Variants in ANKRD9 observed in about 807,000 individuals in gnomAD.
ANKRD9 encodes ankyrin repeat domain-containing protein 9.
ANKRD9 carries 13 observed loss-of-function variants against 19.2 expected under a neutral mutation model. The ratio of observed to expected loss-of-function variants is 0.68; its 90% confidence interval spans 0.44 to 1.08. The LOEUF (loss-of-function observed/expected upper bound fraction) is 1.08, where lower values mean the gene tolerates loss of function less well. ANKRD9 is among the 50% of genes least tolerant of loss of function. The pLI, the probability that ANKRD9 is intolerant of heterozygous loss-of-function variation, is 0.00. For missense variants in ANKRD9, 518 were observed against 499.9 expected (o/e 1.04, Z -0.34); for synonymous variants, 278 against 256.8 (o/e 1.08, Z -0.79).
rs1244775514 is a variant in ANKRD9 at position 102,507,771 on chromosome 14, G to A, written c.119C>T (p.Ala40Val). 6.7e-7 allele frequency: 1 copy of A among 1,486,456 alleles called. No homozygotes were observed. Among genetic ancestry groups the A allele is most frequent in the Non-Finnish European group, 8.9e-7 (1 of 1,118,386 alleles). 92.1% of individuals were successfully genotyped at this position (1,486,456 alleles called of 1,614,324 possible). ...CRKSSFAFYQ[A>V]VRDLLPVWLL... is the part of the protein sequence containing the mutation. ...CCACACGGGTAGCAGGTCGCGCACC[G>A]CCTGGTAGAAGGCGAACGACGACTT... Residue 40 changes from alanine (A) to valine (V), a missense_variant, in exon 4 of 4, where the codon GCG (alanine) becomes GTG (valine). Physicochemically the swap from Ala to Val is moderately conservative, Grantham distance 64. Transcript: ENST00000286918. The surrounding 1 kb of genome is among the most constrained non-coding windows in gnomAD (Gnocchi z 9.2).
rs1011325594 is a variant in ANKRD9 at position 102,504,621 on chromosome 14, G to A, written c.*2315C>T. 2 of 152,386 alleles carry A rather than the reference G, an allele frequency of 1.3e-5. No individual in the cohort carries two copies. The highest frequency in any genetic ancestry group is 4.8e-5 in the African/African-American group (2 of 41,448). The allele number at this position is 152,386 out of a possible 1,614,324, so 9.4% of individuals were successfully genotyped here. A position where few individuals can be genotyped will look rare whatever the true frequency, so the allele number is the denominator to read the frequency against. ...TCCCACCAGTACAGGGGTCTGGGAG[G>A]GGGTTGCAGGGGGTCCTGAACCACA... On this transcript the variant is annotated 3_prime_UTR_variant, in exon 4 of 4. Coordinates refer to ENST00000286918, the MANE Select transcript of ANKRD9 (RefSeq NM_152326.4).
In ANKRD9 at chr14:102,506,109, C is replaced by G. The variant is rs1041732762; in HGVS notation, c.*827G>C. ...CCTGTCCCTACAGTGATACAACCAC[C>G]CCTCAATAACCCCGGGCACCACCTG... On this transcript the variant is annotated 3_prime_UTR_variant, in exon 4 of 4. Transcript: ENST00000286918. 2 of 152,362 alleles carry G rather than the reference C, an allele frequency of 1.3e-5. No individual in the cohort carries two copies. Among genetic ancestry groups the G allele is most frequent in the African/African-American group, 4.8e-5 (2 of 41,560 alleles). The allele number at this position is 152,362 out of a possible 1,614,324, so 9.4% of individuals were successfully genotyped here.
Position 102,507,616 on chromosome 14 carries a change from G to C in ANKRD9, c.274C>G (p.Leu92Val). The change falls in exon 4 of 4, where the codon CTG becomes GTG. Residue 92 changes from leucine to valine, a missense_variant. Coordinates refer to ENST00000286918, the MANE Select transcript of ANKRD9 (RefSeq NM_152326.4). The surrounding 1 kb of genome is among the most constrained non-coding windows in gnomAD (Gnocchi z 9.2). The stretch of plus-strand genomic sequence containing the variant: ...AGCGCGCGCCGCGGGAACGTGGCCA[G>C]CAGGTAATGCGCGTACGCTTGGTGG... ...HDHQAYAHYL[L>V]ATFPRRALAP... 6.7e-7 allele frequency: 1 copy of C among 1,499,540 alleles called. No individual in the cohort carries two copies. Among genetic ancestry groups the C allele is most frequent in the Non-Finnish European group, 8.9e-7 (1 of 1,126,620 alleles). 92.9% of individuals were successfully genotyped at this position (1,499,540 alleles called of 1,614,324 possible). A position where few individuals can be genotyped will look rare whatever the true frequency, so the allele number is the denominator to read the frequency against.
Position 102,507,071 on chromosome 14 carries a change from C to T in ANKRD9, c.819G>A (p.Leu273=). Residue 273 remains leucine (L), a synonymous_variant, in exon 4 of 4, where the codon CTG becomes CTA. Coordinates refer to ENST00000286918, the MANE Select transcript of ANKRD9 (RefSeq NM_152326.4). This position sits in a 1 kb window ranked among gnomAD's most constrained non-coding sequence, Gnocchi z 9.2. ...GEDKFQWLAG[L]APPSLFARAM... ...CGCGCGCGAAGAGCGAGGGCGGCGC[C>T]AGGCCCGCCAGCCACTGGAACTTGT... 2 of 1,541,080 alleles carry T rather than the reference C, an allele frequency of 1.3e-6. No homozygotes were observed. Among genetic ancestry groups the T allele is most frequent in the Middle Eastern group, 1.7e-4 (1 of 5,902 alleles).
In ANKRD9 at chr14:102,503,295, T is replaced by C. The variant is rs1891494936; in HGVS notation, c.*3641A>G. 1 of 148,652 alleles carries C rather than the reference T, an allele frequency of 6.7e-6. No individual in the cohort carries two copies. The highest frequency in any genetic ancestry group is 1.5e-5 in the Non-Finnish European group (1 of 66,714). The allele number at this position is 148,652 out of a possible 1,614,324, so 9.2% of individuals were successfully genotyped here. A position where few individuals can be genotyped will look rare whatever the true frequency, so the allele number is the denominator to read the frequency against. Reference sequence around the variant, plus strand: ...TCTGTCTTTCCATCTTTTTTTTTTTTTTTTTTGAGATGGAGTCTTGCTCTG... The same window carrying C: ...TCTGTCTTTCCATCTTTTTTTTTTTCTTTTTTGAGATGGAGTCTTGCTCTG... On this transcript the variant is annotated 3_prime_UTR_variant, in exon 4 of 4. Transcript: ENST00000286918.
In ANKRD9 at chr14:102,507,861, C is replaced by G. The variant is rs767115486; in HGVS notation, c.29G>C (p.Gly10Ala). MPWDARRPG[G>A]GADGGPEASG... The stretch of plus-strand genomic sequence containing the variant: ...GGCCTCGGGCCCGCCGTCCGCGCCA[C>G]CCCCAGGCCGCCGCGCGTCCCACGG... Residue 10 changes from glycine (G) to alanine (A), a missense_variant, in exon 4 of 4, where the codon GGT (glycine) becomes GCT (alanine). Transcript: ENST00000286918. The surrounding 1 kb of genome is among the most constrained non-coding windows in gnomAD (Gnocchi z 9.2). The G allele has an allele frequency of 8.5e-7, 1 of 1,178,000 alleles. No individual in the cohort carries two copies. Among genetic ancestry groups the G allele is most frequent in the Non-Finnish European group, 1.1e-6 (1 of 945,622 alleles). 73.0% of individuals were successfully genotyped at this position (1,178,000 alleles called of 1,614,324 possible).
chr14:102,509,215 T>A (rs3742445), intron 1 of ANKRD9: 50,452 of 152,084 alleles, frequency 0.33, 9,042 homozygotes, highest in East Asian at 0.57. Context: ...ATATGCCCTG[T>A]GCCGGCACGC....
chr14:102,507,895 C>A lies in ANKRD9; in HGVS notation c.-6G>T, dbSNP rs1318793094. 1.9e-5 allele frequency: 21 copies of A among 1,111,740 alleles called. No individual in the cohort carries two copies. Among genetic ancestry groups the A allele is most frequent in the Middle Eastern group, 7.9e-4 (2 of 2,536 alleles). 68.9% of individuals were successfully genotyped at this position (1,111,740 alleles called of 1,614,324 possible). On this transcript the variant is annotated 5_prime_UTR_variant, in exon 4 of 4. Coordinates refer to ENST00000286918, the MANE Select transcript of ANKRD9 (RefSeq NM_152326.4). This position sits in a 1 kb window ranked among gnomAD's most constrained non-coding sequence, Gnocchi z 9.2. ...CGCCGCGCGTCCCACGGCATGCTGG[C>A]GGCGGGGCGTTCCTGGGCCTCAAGG...
At position 102,506,877 on chromosome 14, in the gene ANKRD9, G is replaced by T; in HGVS notation, c.*59C>A. 7.2e-7 allele frequency: 1 copy of T among 1,397,028 alleles called. No homozygotes were observed. Among genetic ancestry groups the T allele is most frequent in the East Asian group, 2.8e-5 (1 of 35,786 alleles). 86.5% of individuals were successfully genotyped at this position (1,397,028 alleles called of 1,614,324 possible). On this transcript the variant is annotated 3_prime_UTR_variant, in exon 4 of 4. Coordinates refer to ENST00000286918, the MANE Select transcript of ANKRD9 (RefSeq NM_152326.4). ...CAGAGATCAATATATATAAAGTGCC[G>T]GTACAACGCTCTGAAAAATAGTTTT...
chr14:102,503,414 GC>G lies in ANKRD9; in HGVS notation c.*3521del, dbSNP rs1304668071. 6.7e-6 allele frequency: 1 copy of G among 150,372 alleles called. No individual in the cohort carries two copies. Among genetic ancestry groups the G allele is most frequent in the African/African-American group, 2.4e-5 (1 of 40,876 alleles). The allele number at this position is 150,372 out of a possible 1,614,324, so 9.3% of individuals were successfully genotyped here. On this transcript the variant is annotated 3_prime_UTR_variant, in exon 4 of 4. Coordinates refer to ENST00000286918, the MANE Select transcript of ANKRD9 (RefSeq NM_152326.4). ...TTCTCCTGCCTCAGCCTCCTGAGTAGCTGGGAGTACAGGTGCCTGCCACCAC... is the reference window on the plus strand; with the variant it reads ...TTCTCCTGCCTCAGCCTCCTGAGTAGTGGGAGTACAGGTGCCTGCCACCAC...
rs1055956756 is a variant in ANKRD9, at chr14:102,506,102, C to A, written c.*834G>T. 2 of 152,222 alleles carry A rather than the reference C, an allele frequency of 1.3e-5. No homozygotes were observed. The highest frequency in any genetic ancestry group is 2.9e-5 in the Non-Finnish European group (2 of 68,056). 9.4% of individuals were successfully genotyped at this position (152,222 alleles called of 1,614,324 possible). A position where few individuals can be genotyped will look rare whatever the true frequency, so the allele number is the denominator to read the frequency against. On this transcript the variant is annotated 3_prime_UTR_variant, in exon 4 of 4. Coordinates refer to ENST00000286918, the MANE Select transcript of ANKRD9 (RefSeq NM_152326.4). ...CAAGAAGCCTGTCCCTACAGTGATA[C>A]AACCACCCCTCAATAACCCCGGGCA... is the stretch of plus-strand genomic sequence containing the variant.
At position 102,509,671 on chromosome 14, in the gene ANKRD9, C is replaced by T. The variant is rs946784578; in HGVS notation, c.-477G>A. ...CACCGCCGCCCGCGCCCGCCGCAGC[C>T]GCGCTCTGAGCCGCCGCGGCCGGAT... On this transcript the variant is annotated 5_prime_UTR_variant, in exon 1 of 4. Coordinates refer to ENST00000286918, the MANE Select transcript of ANKRD9 (RefSeq NM_152326.4). 2 of 145,874 alleles carry T rather than the reference C, an allele frequency of 1.4e-5. No homozygotes were observed. 9.0% of individuals were successfully genotyped at this position (145,874 alleles called of 1,614,324 possible). A position where few individuals can be genotyped will look rare whatever the true frequency, so the allele number is the denominator to read the frequency against.
Position 102,507,387 on chromosome 14 carries a change from T to C in ANKRD9, c.503A>G (p.Glu168Gly). Residue 168 changes from glutamate to glycine, a missense_variant, in exon 4 of 4, where the codon GAG becomes GGG. Coordinates refer to ENST00000286918, the MANE Select transcript of ANKRD9 (RefSeq NM_152326.4). This position sits in a 1 kb window ranked among gnomAD's most constrained non-coding sequence, Gnocchi z 9.2. The part of the protein sequence containing the change: ...GGGTSLHVAC[E>G]LARPECLFLL... ...GAAGAGGCACTCGGGGCGCGCCAGC[T>C]CACAGGCCACGTGCAGCGACGTGCC... 7.4e-7 allele frequency: 1 copy of C among 1,343,326 alleles called. No homozygotes were observed. The highest frequency in any genetic ancestry group is 3.6e-5 in the Admixed American group (1 of 27,788). 83.2% of individuals were successfully genotyped at this position (1,343,326 alleles called of 1,614,324 possible).
At position 102,507,550 on chromosome 14, in the gene ANKRD9, C is replaced by A; in HGVS notation, c.340G>T (p.Gly114Trp). 1 of 1,342,642 alleles carries A rather than the reference C, an allele frequency of 7.4e-7. No individual in the cohort carries two copies. Among genetic ancestry groups the A allele is most frequent in the South Asian group, 1.6e-5 (1 of 60,938 alleles). The allele number at this position is 1,342,642 out of a possible 1,614,324, so 83.2% of individuals were successfully genotyped here. The part of the protein sequence containing the change: ...SAGFRCCAAP[G>W]PHVALAVRYN... ...CGCACTGCCAGCGCCACGTGCGGCC[C>A]GGGAGCCGCGCAGCAGCGGAAGCCG... The change falls in exon 4 of 4, where the codon GGG becomes TGG. Residue 114 changes from glycine to tryptophan, a missense_variant. Coordinates refer to ENST00000286918, the MANE Select transcript of ANKRD9 (RefSeq NM_152326.4). This position sits in a 1 kb window ranked among gnomAD's most constrained non-coding sequence, Gnocchi z 9.2.
In ANKRD9 at chr14:102,507,626, C is replaced by A. The variant is rs773173218; in HGVS notation, c.264G>T (p.Ala88=). The change falls in exon 4 of 4, where the codon GCG becomes GCT. Residue 88 remains alanine (A), a synonymous_variant. Coordinates refer to ENST00000286918, the MANE Select transcript of ANKRD9 (RefSeq NM_152326.4). The surrounding 1 kb of genome is among the most constrained non-coding windows in gnomAD (Gnocchi z 9.2). ...YALVHDHQAY[A]HYLLATFPRR... ...GCGGGAACGTGGCCAGCAGGTAATG[C>A]GCGTACGCTTGGTGGTCGTGCACGA... is the stretch of plus-strand genomic sequence containing the variant. 9 of 1,525,764 alleles carry A rather than the reference C, an allele frequency of 5.9e-6. No homozygotes were observed. The highest frequency in any genetic ancestry group is 2.4e-5 in the South Asian group (2 of 84,808). 94.5% of individuals were successfully genotyped at this position (1,525,764 alleles called of 1,614,324 possible).
Position 102,507,230 on chromosome 14 carries a change from A to G in ANKRD9, c.660T>C (p.Ala220=). Residue 220 remains alanine (A), a synonymous_variant, in exon 4 of 4, where the codon GCT becomes GCC. Transcript: ENST00000286918. The surrounding 1 kb of genome is among the most constrained non-coding windows in gnomAD (Gnocchi z 9.2). ...GGCGGCGCTGGCGCGGCTCCCCGGGAGCTGAGGCGGGGGCTCCGGCGGCGG... is the reference window on the plus strand; with the variant it reads ...GGCGGCGCTGGCGCGGCTCCCCGGGGGCTGAGGCGGGGGCTCCGGCGGCGG... ...TPSAAGAPAS[A]PGEPRQRRLL... The G allele has an allele frequency of 1.4e-5, 18 of 1,257,520 alleles. No homozygotes were observed. The highest frequency in any genetic ancestry group is 2.5e-5 in the South Asian group (1 of 40,230). The allele number at this position is 1,257,520 out of a possible 1,614,324, so 77.9% of individuals were successfully genotyped here.
chr14:102,502,279 T>C lies in ANKRD9; in HGVS notation c.*4657A>G, dbSNP rs1453956713. 1.3e-5 allele frequency: 2 copies of C among 152,658 alleles called. No individual in the cohort carries two copies. The highest frequency in any genetic ancestry group is 1.5e-5 in the Non-Finnish European group (1 of 68,036). 9.5% of individuals were successfully genotyped at this position (152,658 alleles called of 1,614,324 possible). ...ACGTTGGAGGGTATTTGTTGTAAAC[T>C]TCAAACTTTTGGCAGGTTTGAAATT... On this transcript the variant is annotated 3_prime_UTR_variant, in exon 4 of 4. Coordinates refer to ENST00000286918, the MANE Select transcript of ANKRD9 (RefSeq NM_152326.4).
rs186021689 is a variant in ANKRD9, at chr14:102,504,352, C to G, written c.*2584G>C. ...AAAGTGAGTTTTGTTCTGCGTGGAG[C>G]GATTGCCTTTGGGAAGCCACCAAGG... On this transcript the variant is annotated 3_prime_UTR_variant, in exon 4 of 4. Transcript: ENST00000286918. The G allele has an allele frequency of 6.5e-6, 1 of 153,694 alleles. No individual in the cohort carries two copies. Among genetic ancestry groups the G allele is most frequent in the Admixed American group, 6.5e-5 (1 of 15,304 alleles). 9.5% of individuals were successfully genotyped at this position (153,694 alleles called of 1,614,324 possible).
In ANKRD9 at chr14:102,505,232, C is replaced by G. The variant is rs1249803116; in HGVS notation, c.*1704G>C. ...AAGAACCACGGCAGCTGCGCCAGGCCACTCCTGTCTCCACTTCCATACCCT... is the reference window on the plus strand; with the variant it reads ...AAGAACCACGGCAGCTGCGCCAGGCGACTCCTGTCTCCACTTCCATACCCT... On this transcript the variant is annotated 3_prime_UTR_variant, in exon 4 of 4. Coordinates refer to ENST00000286918, the MANE Select transcript of ANKRD9 (RefSeq NM_152326.4). The G allele has an allele frequency of 6.6e-6, 1 of 152,254 alleles. No homozygotes were observed. Among genetic ancestry groups the G allele is most frequent in the Admixed American group, 6.6e-5 (1 of 15,250 alleles). 9.4% of individuals were successfully genotyped at this position (152,254 alleles called of 1,614,324 possible).
Sources: allele counts gnomAD v4.1 joint callset, GRCh38; gene constraint gnomAD v4.1.1; non-coding constraint Gnocchi (gnomAD v3.1); transcripts MANE v1.5; gene names NCBI Gene and HGNC (gene_info 2026-07-23, HGNC 2026-07-21).